The following LINC00305 variants were observed in gnomAD, a reference collection of about 807,000 sequenced individuals.
The protein encoded by LINC00305 is long independently transcribed non-coding RNA 305.
chr18:64,104,941 G>T (rs2051283524), intron 1 of LINC00305, among the ~76,000 whole-genome samples: 1 of 144,184 alleles, frequency 6.9e-6, no homozygotes, highest in Non-Finnish European at 1.5e-5. Flanking sequence ...GGGCTGGAGG[G>T]TGTAACACCC....
chr18:64,143,710 C>T (rs1168284381), intron 1 of LINC00305, among the ~76,000 whole-genome samples: 1 of 149,732 alleles, frequency 6.7e-6, no homozygotes, highest in Non-Finnish European at 1.5e-5. Flanking sequence ...CATGTATGTC[C>T]ACATATTATG....
intron 1 of LINC00305, among the ~76,000 whole-genome samples, chr18:64,132,342 A>C (rs967655598): frequency 1.3e-5 from 2 of 152,224 alleles, no homozygotes; most frequent in African/African-American, 2.4e-5. Flanking sequence ...TAAACGCTTG[A>C]GAATTACTTT....
At chr18:64,125,766 A>C (rs184947353) in intron 1 of LINC00305, among the ~76,000 whole-genome samples, 1 of 152,088 alleles carries the variant, frequency 6.6e-6, no homozygotes, top group East Asian at 1.9e-4. Flanking sequence ...TTAACGCCCA[A>C]TGCAACAGTG....
At chr18:64,104,387 T>C (rs1484202369) in intron 1 of LINC00305, among the ~76,000 whole-genome samples, 3 of 152,226 alleles carry the variant, frequency 2.0e-5, no homozygotes, top group African/African-American at 7.2e-5. Context: ...AGACTTCAGC[T>C]TAATTTTGAG....
chr18:64,095,085 C>A (rs929311380), intron 3 of LINC00305, among the ~76,000 whole-genome samples: 1 of 152,002 alleles, frequency 6.6e-6, no homozygotes, highest in Non-Finnish European at 1.5e-5. Flanking sequence ...AGGCTGCTGG[C>A]TTTACTAAAA....
At chr18:64,086,630 A>G (rs1458813397) in intron 3 of LINC00305, among the ~76,000 whole-genome samples, 2 of 152,216 alleles carry the variant, frequency 1.3e-5, no homozygotes, top group African/African-American at 2.4e-5. Context: ...TCTTTCAACT[A>G]TACACTTTAG....
At chr18:64,088,409 C>T (rs555425520) in intron 3 of LINC00305, among the ~76,000 whole-genome samples, 2 of 152,212 alleles carry the variant, frequency 1.3e-5, no homozygotes, top group African/African-American at 4.8e-5. Flanking sequence ...CATCTCAGTG[C>T]TCTTTCTTGG....
At position 64,143,610 on chromosome 18, in the gene LINC00305, A is replaced by ACGTAT. The variant is rs1568120137; in HGVS notation, n.314+5164_314+5165insATACG. Among the ~76,000 whole-genome samples the ACGTAT allele has an allele frequency of 1.3e-3, 144 of 111,552 alleles. 12 individuals carry two copies. The highest frequency in any genetic ancestry group is 3.6e-3 in the African/African-American group (86 of 24,154). The allele number at this position is 111,552 out of a possible 152,430, so 73.2% of individuals were successfully genotyped here. A position where few individuals can be genotyped will look rare whatever the true frequency, so the allele number is the denominator to read the frequency against. On this transcript the variant is annotated intron_variant and non_coding_transcript_variant, in intron 1 of 3. Transcript: ENST00000666468. Reference sequence around the variant, plus strand: ...CATATGTACACATATGTATATGTACATATGTACACATATGTATGTACACGT... The same window carrying ACGTAT: ...CATATGTACACATATGTATATGTACACGTATTATGTACACATATGTATGTACACGT...
intron 1 of LINC00305, among the ~76,000 whole-genome samples, chr18:64,140,236 TCTCA>T (rs1205312721): frequency 4.0e-5 from 6 of 151,898 alleles, no homozygotes. Context: ...TGAGACAGAG[TCTCA>T]CTCTGTCACC....
chr18:64,136,037 G>T (rs189713246), intron 1 of LINC00305, among the ~76,000 whole-genome samples: 1 of 152,288 alleles, frequency 6.6e-6, no homozygotes, highest in African/African-American at 2.4e-5. Flanking sequence ...CTCCGACCAG[G>T]TGCTTACCCA....
At chr18:64,115,927 C>T (rs1456880753) in intron 1 of LINC00305, among the ~76,000 whole-genome samples, 2 of 152,126 alleles carry the variant, frequency 1.3e-5, no homozygotes, top group South Asian at 2.1e-4. Context: ...AGGAGCCTAA[C>T]ATTTTCCAAG....
intron 3 of LINC00305, among the ~76,000 whole-genome samples, chr18:64,094,476 C>T (rs73962138): frequency 0.027 from 4,099 of 152,212 alleles, 160 homozygotes; most frequent in African/African-American, 0.094. Flanking sequence ...CAGGGAAGAT[C>T]CTCCAGGATG....
At chr18:64,124,181 G>A (rs2051374644) in intron 1 of LINC00305, among the ~76,000 whole-genome samples, 1 of 152,092 alleles carries the variant, frequency 6.6e-6, no homozygotes, top group South Asian at 2.1e-4. Context: ...CCTCAGATTA[G>A]TCTTGTACTT....
At chr18:64,099,946 G>A (rs2051261648) in intron 1 of LINC00305, among the ~76,000 whole-genome samples, 1 of 152,164 alleles carries the variant, frequency 6.6e-6, no homozygotes. Flanking sequence ...GCTGTAAGGT[G>A]TTCCGTGTTG....
intron 3 of LINC00305, among the ~76,000 whole-genome samples, chr18:64,088,217 C>A (rs527991222): frequency 6.6e-6 from 1 of 152,126 alleles, no homozygotes; most frequent in Non-Finnish European, 1.5e-5. Flanking sequence ...TGCTAAATAA[C>A]CAGAAATTTG....
At chr18:64,094,055 T>C (rs928509498) in intron 3 of LINC00305, among the ~76,000 whole-genome samples, 1 of 152,160 alleles carries the variant, frequency 6.6e-6, no homozygotes, top group African/African-American at 2.4e-5. Context: ...CTGGGGTCTG[T>C]GGGAGAAGAG....
chr18:64,094,856 A>AAAAAAATAAATAAATAAAT (rs1555665402), intron 3 of LINC00305, among the ~76,000 whole-genome samples: 3 of 120,768 alleles, frequency 2.5e-5, no homozygotes, highest in African/African-American at 8.0e-5. Context: ...TTCATCTCAA[A>AAAAAAATAAATAAATAAAT]AAATAAATAA....
chr18:64,123,295 T>C (rs2051370208), intron 1 of LINC00305, among the ~76,000 whole-genome samples: 1 of 152,136 alleles, frequency 6.6e-6, no homozygotes, highest in Non-Finnish European at 1.5e-5. Flanking sequence ...TCTTTTCATC[T>C]GGATTGTAGT....
intron 1 of LINC00305, among the ~76,000 whole-genome samples, chr18:64,104,767 A>C (rs2051282598): frequency 6.6e-6 from 1 of 152,124 alleles, no homozygotes; most frequent in Non-Finnish European, 1.5e-5. Flanking sequence ...AGGACAAACA[A>C]AATTTTCTTT....
Sources: gnomAD v4.1 joint callset for allele counts (sites outside exome capture counted in the v4.1 genomes callset) on GRCh38, gnomAD v4.1.1 for gene constraint, MANE v1.5 for transcripts, NCBI Gene and HGNC (gene_info 2026-07-23, HGNC 2026-07-21) for gene names.